The following SDCCAG8 variants were observed in gnomAD, a reference collection of about 807,000 sequenced individuals.
The protein encoded by SDCCAG8 is SHH signaling and ciliogenesis regulator SDCCAG8.
SDCCAG8 carries 74 observed loss-of-function variants against 101.8 expected under a neutral mutation model. That is an observed-to-expected ratio of 0.73 (90% CI 0.60 to 0.88). The LOEUF (loss-of-function observed/expected upper bound fraction) is 0.88, where lower values mean the gene tolerates loss of function less well. Among genes scored for constraint, SDCCAG8 ranks in the 40% least tolerant of loss-of-function variants. The pLI is 0.00. For missense variants in SDCCAG8, 787 were observed against 822.6 expected (o/e 0.96, Z 0.53); for synonymous variants, 281 against 292.9 (o/e 0.96, Z 0.41).
At chr1:243,481,440 C>T (rs954878662) in intron 16 of SDCCAG8, among the ~76,000 whole-genome samples, 2 of 152,076 alleles carry the variant, frequency 1.3e-5, no homozygotes, top group African/African-American at 4.8e-5. Context: ...GATAAAGTAA[C>T]GTGTAGTATT....
At chr1:243,423,085 G>T (rs904150698) in intron 15 of SDCCAG8, among the ~76,000 whole-genome samples, 1 of 152,040 alleles carries the variant, frequency 6.6e-6, no homozygotes, top group South Asian at 2.1e-4. Context: ...AGGCATATAT[G>T]TCAAATTTTT....
chr1:243,408,653 G>A (rs747053397), intron 13 of SDCCAG8, among the ~76,000 whole-genome samples: 1 of 152,160 alleles, frequency 6.6e-6, no homozygotes, highest in Non-Finnish European at 1.5e-5. Context: ...GAAGCATAGT[G>A]ATTCACTGTG....
chr1:243,423,266 G>A (rs900772755), intron 15 of SDCCAG8, among the ~76,000 whole-genome samples: 3 of 152,038 alleles, frequency 2.0e-5, no homozygotes, highest in African/African-American at 7.2e-5. Flanking sequence ...AGGGAATTTG[G>A]AAAATACAAA....
At chr1:243,486,909 G>C (rs1665023929) in intron 16 of SDCCAG8, among the ~76,000 whole-genome samples, 1 of 146,302 alleles carries the variant, frequency 6.8e-6, no homozygotes. Context: ...CATTCTTTTC[G>C]AGCAAGCAGG....
At chr1:243,280,093 T>C (rs2068901841) in intron 4 of SDCCAG8, among the ~76,000 whole-genome samples, 1 of 152,202 alleles carries the variant, frequency 6.6e-6, no homozygotes, top group Non-Finnish European at 1.5e-5. Context: ...TATAGGTTTA[T>C]TCAGATTATC....
chr1:243,380,657 C>T (rs1221229679), intron 13 of SDCCAG8, among the ~76,000 whole-genome samples: 3 of 151,100 alleles, frequency 2.0e-5, no homozygotes, highest in Non-Finnish European at 2.9e-5. Context: ...TTAAGAAAAA[C>T]GGTTTTGCTT....
intron 12 of SDCCAG8, among the ~76,000 whole-genome samples, chr1:243,377,837 T>A (rs1248731090): frequency 1.3e-5 from 2 of 151,054 alleles, no homozygotes; most frequent in South Asian, 2.1e-4. Flanking sequence ...TTTCTTTTTT[T>A]TTTTCTTGTT....
intron 15 of SDCCAG8, 22 bp from the exon 16 acceptor site, chr1:243,426,405 A>G (rs1451381723): frequency 1.1e-5 from 18 of 1,604,900 alleles, no homozygotes; most frequent in South Asian, 6.6e-5. Context: ...AACATCTATT[A>G]TTTTTGTGTT....
chr1:243,268,120 G>T, intron 1 of SDCCAG8: 3 of 678,054 alleles, frequency 4.4e-6, no homozygotes, highest in East Asian at 5.1e-5. Flanking sequence ...GCTTCCTCAT[G>T]GTCACACCAC....
chr1:243,422,643 T>C (rs2081085665), intron 15 of SDCCAG8, among the ~76,000 whole-genome samples: 1 of 152,168 alleles, frequency 6.6e-6, no homozygotes, highest in Non-Finnish European at 1.5e-5. Flanking sequence ...GTTTAGATGA[T>C]GTTAGGTTGG....
At chr1:243,492,832 C>A (rs1018368735) in intron 17 of SDCCAG8, among the ~76,000 whole-genome samples, 1 of 152,016 alleles carries the variant, frequency 6.6e-6, no homozygotes, top group Non-Finnish European at 1.5e-5. Context: ...GTCTCGAACT[C>A]CTGACCTCAG....
intron 5 of SDCCAG8, among the ~76,000 whole-genome samples, chr1:243,291,036 A>C (rs1415363220): frequency 6.6e-6 from 1 of 152,202 alleles, no homozygotes; most frequent in Non-Finnish European, 1.5e-5. Context: ...AACTTCCAGA[A>C]GAATATAAAA....
chr1:243,307,765 C>T (rs2072302855), intron 7 of SDCCAG8: 1 of 1,428,052 alleles, frequency 7.0e-7, no homozygotes, highest in Non-Finnish European at 9.1e-7. Context: ...AGAACCTAAG[C>T]TAATTATGTA....
chr1:243,397,296 C>G (rs753520380), intron 13 of SDCCAG8, among the ~76,000 whole-genome samples: 1 of 152,128 alleles, frequency 6.6e-6, no homozygotes, highest in Non-Finnish European at 1.5e-5. Flanking sequence ...TTGGAAGTTG[C>G]GATTGAAATA....
chr1:243,271,230 C>T (rs931466836), intron 3 of SDCCAG8, among the ~76,000 whole-genome samples, 167 bp downstream of exon 3: 3 of 151,734 alleles, frequency 2.0e-5, no homozygotes, highest in Admixed American at 6.6e-5. Context: ...AATAGATTTC[C>T]ATGGCAGAGG....
At chr1:243,298,197 T>C (rs1228426779) in intron 6 of SDCCAG8, among the ~76,000 whole-genome samples, 1 of 151,684 alleles carries the variant, frequency 6.6e-6, no homozygotes, top group Non-Finnish European at 1.5e-5. Context: ...TACGGGCGCA[T>C]GCCACCATGC....
chr1:243,284,752 A>C (rs1418559766), intron 4 of SDCCAG8, among the ~76,000 whole-genome samples: 1 of 152,178 alleles, frequency 6.6e-6, no homozygotes, highest in East Asian at 1.9e-4. Context: ...AGCATATTTC[A>C]AACTGGCTGC....
At position 243,318,771 on chromosome 1, in the gene SDCCAG8, G is replaced by A. The variant is rs563628860; in HGVS notation, c.1068+1878G>A. ...TGAAGGCCCTTGTGTCAGTCAAGTCGTCTCAGGTGGGTGTGATGGAGGAAA... is the reference window on the plus strand; with the variant it reads ...TGAAGGCCCTTGTGTCAGTCAAGTCATCTCAGGTGGGTGTGATGGAGGAAA... On this transcript the variant is annotated intron_variant, in intron 9 of 17. Coordinates refer to ENST00000366541, the MANE Select transcript of SDCCAG8 (RefSeq NM_006642.5). Among the ~76,000 whole-genome samples, 15 of 152,244 alleles carry A rather than the reference G, an allele frequency of 9.9e-5. No individual in the cohort carries two copies. The East Asian group carries it at 1.2e-3, about 12-fold the overall frequency.
At chr1:243,497,935 G>A (rs1668441735) in intron 17 of SDCCAG8, among the ~76,000 whole-genome samples, 2 of 152,214 alleles carry the variant, frequency 1.3e-5, no homozygotes, top group South Asian at 4.1e-4. Context: ...TATTGCCCCA[G>A]CCTCCCAAAG....
Sources: gnomAD v4.1 joint callset for allele counts (sites outside exome capture counted in the v4.1 genomes callset) on GRCh38, gnomAD v4.1.1 for gene constraint, MANE v1.5 for transcripts, NCBI Gene and HGNC (gene_info 2026-07-23, HGNC 2026-07-21) for gene names.